PHF21B: variants seen among roughly 807,000 people sequenced by gnomAD.
The protein encoded by PHF21B is PHD finger protein 4.
A neutral mutation model predicts 62.2 loss-of-function variants in PHF21B; 22 were observed. That is an observed-to-expected ratio of 0.35 (90% CI 0.25 to 0.51). The LOEUF (loss-of-function observed/expected upper bound fraction) is 0.51, where lower values mean the gene tolerates loss of function less well. Ranked by LOEUF, PHF21B falls within the 20% of genes least tolerant of loss-of-function variation. PHF21B has a pLI of 0.97. For missense variants in PHF21B, 701 were observed against 707.9 expected (o/e 0.99, Z 0.11); for synonymous variants, 341 against 314.7 (o/e 1.08, Z -0.88).
intron 5 of PHF21B, among the ~76,000 whole-genome samples, chr22:44,908,187 G>A (rs190688709): frequency 2.0e-5 from 3 of 152,260 alleles, no homozygotes; most frequent in African/African-American, 7.2e-5. Flanking sequence ...CGTCTCCAGT[G>A]GCGAGGCTTC....
intron 5 of PHF21B, chr22:44,902,076 G>A (rs2071169684): frequency 9.1e-6 from 2 of 220,302 alleles, no homozygotes; most frequent in South Asian, 1.7e-4. Context: ...CTGAAGAGCT[G>A]GGCAGTGGCT....
At chr22:44,946,494 CTGT>C (rs2072074594) in intron 2 of PHF21B, among the ~76,000 whole-genome samples, 1 of 151,910 alleles carries the variant, frequency 6.6e-6, no homozygotes, top group Admixed American at 6.6e-5. Flanking sequence ...ACGGAAAGTC[CTGT>C]TATTATGGAT....
intron 5 of PHF21B, among the ~76,000 whole-genome samples, chr22:44,911,920 G>A (rs540197498): frequency 1.3e-5 from 2 of 152,376 alleles, no homozygotes; most frequent in Admixed American, 6.5e-5. Context: ...GCAACCAGGA[G>A]GGAGGCTATA....
At chr22:44,921,718 G>A (rs894585078) in intron 2 of PHF21B, among the ~76,000 whole-genome samples, 3 of 151,380 alleles carry the variant, frequency 2.0e-5, no homozygotes, top group African/African-American at 7.3e-5. Context: ...GAATGTAGTG[G>A]CGTGATCTTG....
intron 2 of PHF21B, among the ~76,000 whole-genome samples, chr22:44,953,356 T>C (rs983845784): frequency 3.3e-5 from 5 of 152,154 alleles, no homozygotes; most frequent in Non-Finnish European, 7.4e-5. Flanking sequence ...CTCCCGTGAG[T>C]GCCCCTCCCT....
intron 6 of PHF21B, among the ~76,000 whole-genome samples, chr22:44,895,068 A>G (rs976733224): frequency 6.6e-6 from 1 of 152,236 alleles, no homozygotes; most frequent in African/African-American, 2.4e-5. Flanking sequence ...ACCTTCCCGC[A>G]TCCAGGTTTA....
intron 10 of PHF21B, among the ~76,000 whole-genome samples, chr22:44,886,994 A>C (rs2070871011): frequency 6.6e-6 from 1 of 151,942 alleles, no homozygotes; most frequent in African/African-American, 2.4e-5. Flanking sequence ...ATCTCTACTA[A>C]AAATACAAAA....
intron 2 of PHF21B, among the ~76,000 whole-genome samples, chr22:44,984,362 C>G (rs915848428): frequency 2.0e-5 from 3 of 151,568 alleles, no homozygotes; most frequent in African/African-American, 7.3e-5. Context: ...TCCATCTGGT[C>G]AGGTGGCCAG....
intron 2 of PHF21B, among the ~76,000 whole-genome samples, chr22:44,931,526 C>T (rs1053231364): frequency 3.3e-5 from 5 of 151,722 alleles, no homozygotes; most frequent in African/African-American, 1.2e-4. Context: ...GTTCAGCGGC[C>T]CTCGGCGTTG....
chr22:44,919,360 G>GT (rs1464105114), intron 3 of PHF21B, among the ~76,000 whole-genome samples: 1 of 152,218 alleles, frequency 6.6e-6, no homozygotes, highest in Non-Finnish European at 1.5e-5. Flanking sequence ...CAGTACGAGA[G>GT]TTTTTTGCCA....
chr22:44,996,693 C>T (rs2073128151), intron 2 of PHF21B, among the ~76,000 whole-genome samples: 1 of 152,084 alleles, frequency 6.6e-6, no homozygotes. Context: ...CACACGCATA[C>T]ATGCATATAC....
intron 2 of PHF21B, among the ~76,000 whole-genome samples, chr22:44,927,902 G>A (rs1386941587): frequency 2.0e-5 from 3 of 152,092 alleles, no homozygotes; most frequent in East Asian, 3.9e-4. Flanking sequence ...GGTAAAAAAC[G>A]GGCCATAACA....
chr22:44,942,304 C>A (rs1468828621), intron 2 of PHF21B, among the ~76,000 whole-genome samples: 1 of 152,152 alleles, frequency 6.6e-6, no homozygotes, highest in Admixed American at 6.5e-5. Context: ...AGCCGATGGG[C>A]TCTGCCAGAT....
chr22:44,965,686 G>A (rs1176285655), intron 2 of PHF21B, among the ~76,000 whole-genome samples: 2 of 152,174 alleles, frequency 1.3e-5, no homozygotes, highest in African/African-American at 4.8e-5. Context: ...CCAGAGCTGA[G>A]TGGCTGGTAT....
chr22:44,930,171 G>A (rs552725167), intron 2 of PHF21B, among the ~76,000 whole-genome samples: 5 of 152,328 alleles, frequency 3.3e-5, no homozygotes, highest in South Asian at 2.1e-4. Context: ...GCACTGGGGC[G>A]GGTGTGGCCT....
intron 2 of PHF21B, chr22:45,003,207 T>C (rs1479695457): frequency 6.6e-6 from 1 of 152,248 alleles, no homozygotes; most frequent in Non-Finnish European, 1.5e-5. Flanking sequence ...GGGGCTCCCC[T>C]AGGACAGTTA....
At chr22:44,896,307 G>A (rs2071056639) in intron 5 of PHF21B, among the ~76,000 whole-genome samples, 1 of 152,070 alleles carries the variant, frequency 6.6e-6, no homozygotes, top group African/African-American at 2.4e-5. Context: ...TGAAAACACT[G>A]GATACGTGTA....
Position 45,009,451 on chromosome 22 carries a change from C to A in PHF21B, c.54+45G>T. The A allele has an allele frequency of 2.6e-6, 4 of 1,514,688 alleles. No individual in the cohort carries two copies. Among genetic ancestry groups the A allele is most frequent in the Non-Finnish European group, 3.5e-6 (4 of 1,135,602 alleles). The allele number at this position is 1,514,688 out of a possible 1,614,324, so 93.8% of individuals were successfully genotyped here. Reference sequence around the variant, plus strand: ...GCTCGGGTCCCCCGACCCCCTCACCCCGCAACACACTCCCCGGCCCCGGGC... The same window carrying A: ...GCTCGGGTCCCCCGACCCCCTCACCACGCAACACACTCCCCGGCCCCGGGC... On this transcript the variant is annotated intron_variant, in intron 1 of 12. Transcript: ENST00000313237. This position sits in a 1 kb window ranked among gnomAD's most constrained non-coding sequence, Gnocchi z 5.9.
intron 2 of PHF21B, among the ~76,000 whole-genome samples, chr22:44,927,473 C>T (rs545810811): frequency 2.0e-4 from 30 of 152,174 alleles, no homozygotes; most frequent in Middle Eastern, 6.8e-3. Context: ...GAGTCAAAGT[C>T]CAAAGTCCCC....
Sources: gnomAD v4.1 joint callset for allele counts (sites outside exome capture counted in the v4.1 genomes callset) on GRCh38, gnomAD v4.1.1 for gene constraint, Gnocchi (gnomAD v3.1) non-coding constraint, MANE v1.5 for transcripts, NCBI Gene and HGNC (gene_info 2026-07-23, HGNC 2026-07-21) for gene names.